Variants in NBPF4 observed in about 807,000 individuals in gnomAD.
NBPF4 encodes NBPF family member NBPF4.
NBPF4 carries 11 observed loss-of-function variants against 21.1 expected under a neutral mutation model. The observed-to-expected ratio is 0.52, with a 90% CI of 0.33 to 0.86. The LOEUF is 0.86. Ranked by LOEUF, NBPF4 falls within the 40% of genes least tolerant of loss-of-function variation. NBPF4 has a pLI of 0.03. For missense variants in NBPF4, 88 were observed against 265.3 expected (o/e 0.33, Z 4.64); for synonymous variants, 47 against 106.4 (o/e 0.44, Z 3.43).
the NBPF4 span, among the ~76,000 whole-genome samples, chr1:108,268,275 A>G: frequency 1.4e-5 from 2 of 143,744 alleles, no homozygotes; most frequent in South Asian, 4.8e-4. Context: ...GAATATATAA[A>G]TGTTCATTGT....
At chr1:108,258,466 T>C in the NBPF4 span, among the ~76,000 whole-genome samples, 4 of 140,458 alleles carry the variant, frequency 2.8e-5, 1 homozygote, top group Non-Finnish European at 4.6e-5. Context: ...TTTTTGTATA[T>C]TGACGTTGTA....
upstream of NBPF4, among the ~76,000 whole-genome samples, chr1:108,244,923 T>C (rs1327430552): frequency 4.2e-5 from 2 of 47,814 alleles, no homozygotes; most frequent in Non-Finnish European, 7.8e-5. Context: ...TATATATATA[T>C]ATATATATAT....
intron 14 of NBPF4, among the ~76,000 whole-genome samples, chr1:108,224,390 G>A (rs1194646690): frequency 1.9e-5 from 2 of 107,274 alleles, no homozygotes; most frequent in African/African-American, 7.4e-5. Context: ...GAGAGGAAAG[G>A]CTCCAATCTG....
chr1:108,223,603 T>G lies in NBPF4; in HGVS notation c.*102A>C. The G allele has an allele frequency of 9.9e-7, 1 of 1,013,672 alleles. No homozygotes were observed. The highest frequency in any genetic ancestry group is 2.2e-5 in the Admixed American group (1 of 45,602). The allele number at this position is 1,013,672 out of a possible 1,614,324, so 62.8% of individuals were successfully genotyped here. ...AGAGTATTCTGTGTCTGAAATTCAA[T>G]CCTCAGTGAAGGACCCCTGCAGTAT... On this transcript the variant is annotated 3_prime_UTR_variant, in exon 15 of 15. Coordinates refer to ENST00000415641, the MANE Select transcript of NBPF4 (RefSeq NM_001143989.3).
the NBPF4 span, among the ~76,000 whole-genome samples, chr1:108,268,573 G>A: frequency 2.3e-4 from 34 of 150,876 alleles, no homozygotes; most frequent in Admixed American, 4.0e-4. Flanking sequence ...GTGGGAGGGG[G>A]GAACAGAATG....
the NBPF4 span, among the ~76,000 whole-genome samples, chr1:108,266,153 GAA>G: frequency 3.0e-5 from 4 of 133,558 alleles, no homozygotes; most frequent in Non-Finnish European, 4.7e-5. Context: ...TGGTTTTTTG[GAA>G]AAAAAAAAAA....
In NBPF4 at chr1:108,223,416, C is replaced by T. The variant is rs1649372046; in HGVS notation, c.*289G>A. ...ACATGCTGTCTCCTGCCAGCAGCTG[C>T]GGACTCCTGTTCTCTACACGATGGG... On this transcript the variant is annotated 3_prime_UTR_variant, in exon 15 of 15. Coordinates refer to ENST00000415641, the MANE Select transcript of NBPF4 (RefSeq NM_001143989.3). 5 of 328,650 alleles carry T rather than the reference C, an allele frequency of 1.5e-5. No individual in the cohort carries two copies. The East Asian group carries it at 2.3e-4, about 15-fold the overall frequency. 20.4% of individuals were successfully genotyped at this position (328,650 alleles called of 1,614,324 possible).
At chr1:108,240,879 T>C (rs1309811900) in intron 4 of NBPF4, 71 bp downstream of exon 4, 3 of 86,690 alleles carry the variant, frequency 3.5e-5, no homozygotes, top group Admixed American at 2.1e-4. Flanking sequence ...ATTGTCATTG[T>C]GGAGGTGTGG....
the NBPF4 span, among the ~76,000 whole-genome samples, chr1:108,257,998 C>T: frequency 2.9e-5 from 4 of 137,508 alleles, no homozygotes; most frequent in African/African-American, 8.8e-5. Flanking sequence ...AATCCACCCA[C>T]CTCGGCCTCC....
intron 14 of NBPF4, 129 bp from the exon 15 acceptor site, chr1:108,223,875 G>A: frequency 9.5e-7 from 1 of 1,053,030 alleles, no homozygotes; most frequent in Non-Finnish European, 1.4e-6. Context: ...GAGCTGAAGG[G>A]TGAGTCCTGG....
chr1:108,223,773 C>T, intron 14 of NBPF4, 27 bp from the exon 15 acceptor site: 1 of 1,547,098 alleles, frequency 6.5e-7, no homozygotes, highest in Non-Finnish European at 8.7e-7. Flanking sequence ...GAAAAAAAAT[C>T]AAATGAGCAT....
At chr1:108,246,200 G>C (rs1170847923), upstream of NBPF4, among the ~76,000 whole-genome samples, 4 of 120,160 alleles carry the variant, frequency 3.3e-5, no homozygotes, top group Non-Finnish European at 5.2e-5. Flanking sequence ...GCTGCTGAGA[G>C]GCATGCTTTC....
chr1:108,229,060 C>G lies in NBPF4; in HGVS notation c.1520G>C (p.Ser507Thr). 1 of 1,550,954 alleles carries G rather than the reference C, an allele frequency of 6.4e-7. No individual in the cohort carries two copies. Among genetic ancestry groups the G allele is most frequent in the Non-Finnish European group, 8.7e-7 (1 of 1,146,484 alleles). Residue 507 changes from serine (S) to threonine (T), a missense_variant, in exon 13 of 15, where the codon AGC becomes ACC. By Grantham distance (58) the Ser-to-Thr change is moderately conservative. Coordinates refer to ENST00000415641, the MANE Select transcript of NBPF4 (RefSeq NM_001143989.3). ...TCGCAGACAACTGGGCACCAGGGTG[C>G]TTGGTTCCAGCTGTGCCTGTGAAAC... ...VQVSQAQLEP[S>T]TLVPSCLRLQ...
At chr1:108,248,020 T>G (rs958242761), upstream of NBPF4, among the ~76,000 whole-genome samples, 2 of 152,036 alleles carry the variant, frequency 1.3e-5, no homozygotes, top group African/African-American at 4.8e-5. Context: ...GGTCTTGCTG[T>G]GTTGCTCAGG....
upstream of NBPF4, among the ~76,000 whole-genome samples, chr1:108,245,075 G>A (rs2101689552): frequency 1.3e-5 from 1 of 78,448 alleles, no homozygotes; most frequent in Non-Finnish European, 2.6e-5. Flanking sequence ...AGTAGAAGGT[G>A]AGTTTGAGAT....
At position 108,223,417 on chromosome 1, in the gene NBPF4, G is replaced by A. The variant is rs191797778; in HGVS notation, c.*288C>T. 1.7e-3 allele frequency: 560 copies of A among 328,598 alleles called. 8 individuals are homozygous for A. The highest frequency in any genetic ancestry group is 0.011 in the African/African-American group (508 of 46,774). 20.4% of individuals were successfully genotyped at this position (328,598 alleles called of 1,614,324 possible). ...CATGCTGTCTCCTGCCAGCAGCTGC[G>A]GACTCCTGTTCTCTACACGATGGGA... On this transcript the variant is annotated 3_prime_UTR_variant, in exon 15 of 15. Coordinates refer to ENST00000415641, the MANE Select transcript of NBPF4 (RefSeq NM_001143989.3).
rs546470083 is a variant in NBPF4, at chr1:108,223,080, T to G, written c.*625A>C. Among the ~76,000 whole-genome samples the G allele has an allele frequency of 7.9e-5, 12 of 152,290 alleles. No homozygotes were observed. The highest frequency in any genetic ancestry group is 2.9e-4 in the African/African-American group (12 of 41,574). ...ATTGAGCCAGACAGCTGACCTGTCC[T>G]CCACAAACAAGTCCATGTCACCACC... On this transcript the variant is annotated 3_prime_UTR_variant, in exon 15 of 15. Coordinates refer to ENST00000415641, the MANE Select transcript of NBPF4 (RefSeq NM_001143989.3).
chr1:108,268,795 GCAAA>G, the NBPF4 span, among the ~76,000 whole-genome samples: 5 of 141,418 alleles, frequency 3.5e-5, no homozygotes, highest in East Asian at 2.1e-4. Context: ...GTTCGGGTGA[GCAAA>G]CAGAGACCCT....
intron 10 of NBPF4, among the ~76,000 whole-genome samples, chr1:108,233,479 A>AC (rs1649630920): frequency 2.0e-5 from 1 of 49,488 alleles, no homozygotes; most frequent in South Asian, 9.0e-4. Context: ...AGTTATGCAA[A>AC]TTTTTCACAC....
Sources: gnomAD v4.1 joint callset for allele counts (sites outside exome capture counted in the v4.1 genomes callset) on GRCh38, gnomAD v4.1.1 for gene constraint, MANE v1.5 for transcripts, NCBI Gene and HGNC (gene_info 2026-07-23, HGNC 2026-07-21) for gene names.